The following KIAA1549 variants were observed in gnomAD, a reference collection of about 807,000 sequenced individuals.
KIAA1549 encodes UPF0606 protein KIAA1549.
KIAA1549 carries 70 observed loss-of-function variants against 156.4 expected under a neutral mutation model. The ratio of observed to expected loss-of-function variants is 0.45; its 90% CI spans 0.37 to 0.55. The LOEUF is 0.55. Among genes scored for constraint, KIAA1549 ranks in the 20% least tolerant of loss-of-function variants. The pLI is 0.00. For missense variants in KIAA1549, 2,428 were observed against 2,540.9 expected, an observed-to-expected ratio of 0.96 and a Z score of 0.96; for synonymous variants, 1,103 against 1,066.4, an observed-to-expected ratio of 1.03 and a Z score of -0.67.
intron 9 of KIAA1549, among the ~76,000 whole-genome samples, chr7:138,898,026 C>G (rs892357681): frequency 2.6e-5 from 4 of 150,966 alleles, no homozygotes; most frequent in South Asian, 4.2e-4. Context: ...TGAGGTGGGG[C>G]CGGGTGCAGT....
intron 15 of KIAA1549, among the ~76,000 whole-genome samples, chr7:138,864,548 A>G (rs1188875738): frequency 1.3e-5 from 2 of 152,250 alleles, no homozygotes; most frequent in African/African-American, 4.8e-5. Context: ...TATTTAGACT[A>G]TAGATGTTTC....
At chr7:138,919,567 C>G in intron 1 of KIAA1549, 129 bp from the exon 2 acceptor site, 1 of 1,451,806 alleles carries the variant, frequency 6.9e-7, no homozygotes, top group Non-Finnish European at 9.2e-7. Flanking sequence ...GAATCACCGT[C>G]AGAAGTTAAA....
At chr7:138,919,494 C>A (rs763971617) in intron 1 of KIAA1549, 56 bp from the exon 2 acceptor site, 6 of 1,554,354 alleles carry the variant, frequency 3.9e-6, no homozygotes, top group Non-Finnish European at 5.2e-6. Context: ...ACACAGCTAA[C>A]GTTTTGTTTC....
chr7:138,915,340 G>A (rs1401450734), intron 2 of KIAA1549, among the ~76,000 whole-genome samples: 4 of 152,170 alleles, frequency 2.6e-5, no homozygotes, highest in East Asian at 3.9e-4. Flanking sequence ...CAGGAGGGCC[G>A]TGTCTTACCC....
chr7:138,837,228 T>G lies in KIAA1549; in HGVS notation c.*678A>C, dbSNP rs1407496373. ...TGAAACCTTCAACATATTCTTCCAC[T>G]GAAAAAGCCAAAGTTCCATTTCAGA... On this transcript the variant is annotated 3_prime_UTR_variant, in exon 20 of 20. Coordinates refer to ENST00000422774, the MANE Select transcript of KIAA1549 (RefSeq NM_001164665.2). The G allele has an allele frequency of 4.4e-6, 1 of 227,432 alleles. No individual in the cohort carries two copies. Among genetic ancestry groups the G allele is most frequent in the African/African-American group, 2.2e-5 (1 of 45,006 alleles). The allele number at this position is 227,432 out of a possible 1,614,324, so 14.1% of individuals were successfully genotyped here.
At chr7:138,854,256 G>A (rs892985233) in intron 16 of KIAA1549, among the ~76,000 whole-genome samples, 2 of 152,160 alleles carry the variant, frequency 1.3e-5, no homozygotes, top group Non-Finnish European at 2.9e-5. Context: ...AGGAAGGCAA[G>A]TTAGATGGTT....
chr7:138,972,450 G>A (rs890906821), intron 1 of KIAA1549, among the ~76,000 whole-genome samples: 3 of 139,206 alleles, frequency 2.2e-5, no homozygotes, highest in African/African-American at 7.8e-5. Context: ...CTCCAGCCAC[G>A]GTTCACCTCC....
chr7:138,977,154 T>C (rs61505679), intron 1 of KIAA1549, among the ~76,000 whole-genome samples: 5,247 of 152,174 alleles, frequency 0.034, 316 homozygotes, highest in African/African-American at 0.12. Flanking sequence ...ACCAAAAACT[T>C]CTACATTTCA....
intron 12 of KIAA1549, among the ~76,000 whole-genome samples, chr7:138,879,052 T>C (rs368018478): frequency 2.0e-5 from 3 of 152,190 alleles, no homozygotes; most frequent in South Asian, 2.1e-4. Context: ...AAGCTGTCTG[T>C]GACTCCCAAA....
chr7:138,837,892 C>G lies in KIAA1549; in HGVS notation c.*14G>C, dbSNP rs779277596. On this transcript the variant is annotated 3_prime_UTR_variant, in exon 20 of 20. Transcript: ENST00000422774. ...AGGAAGCGGATACTTGGCAAATCTG[C>G]GAGGCGAGGCCGATCAGCTGTGGAA... 3 of 1,609,850 alleles carry G rather than the reference C, an allele frequency of 1.9e-6. No individual in the cohort carries two copies. The highest frequency in any genetic ancestry group is 2.5e-6 in the Non-Finnish European group (3 of 1,178,166).
intron 17 of KIAA1549, among the ~76,000 whole-genome samples, chr7:138,845,215 CT>C (rs1195129056): frequency 1.8e-5 from 2 of 112,616 alleles, no homozygotes; most frequent in Non-Finnish European, 3.6e-5. Context: ...TAACATAATA[CT>C]TTTCATGAAA....
intron 1 of KIAA1549, among the ~76,000 whole-genome samples, chr7:138,978,013 C>G (rs918187973): frequency 5.3e-5 from 8 of 152,096 alleles, no homozygotes; most frequent in Admixed American, 3.3e-4. Flanking sequence ...AGAGCCTTCT[C>G]TATGTAGCTA....
intron 16 of KIAA1549, among the ~76,000 whole-genome samples, chr7:138,855,940 T>C (rs1810374737): frequency 6.6e-6 from 1 of 152,276 alleles, no homozygotes; most frequent in African/African-American, 2.4e-5. Context: ...ACCAGCCAAC[T>C]ACAACCTGAT....
chr7:138,964,608 G>A (rs1813959116), intron 1 of KIAA1549, among the ~76,000 whole-genome samples: 1 of 152,176 alleles, frequency 6.6e-6, no homozygotes, highest in African/African-American at 2.4e-5. Context: ...ACCAGAGAAA[G>A]AAGTGCAAAG....
rs1302416101 is a variant in KIAA1549 at position 138,914,006 on chromosome 7, AGAAGGAAG to A, written c.2879-1554_2879-1547del. ...AGGGAGGGAGAGGAGGGAGAAGGAA[AGAAGGAAG>A]GAAGGAAGAAAGGAAGGGAGGAAGG... On this transcript the variant is annotated intron_variant, in intron 2 of 19. Transcript: ENST00000422774. 5.0e-5 allele frequency among the ~76,000 whole-genome samples: 7 copies of A among 140,728 alleles called. No homozygotes were observed. The South Asian group carries it at 1.9e-3, about 37-fold the overall frequency. 92.3% of individuals were successfully genotyped at this position (140,728 alleles called of 152,430 possible).
intron 4 of KIAA1549, among the ~76,000 whole-genome samples, chr7:138,909,414 A>G (rs1436748808): frequency 6.6e-6 from 1 of 152,250 alleles, no homozygotes; most frequent in Non-Finnish European, 1.5e-5. Context: ...TCAAACATAT[A>G]TAAATTCATT....
At chr7:138,838,927 G>A (rs1307754740) in intron 19 of KIAA1549, among the ~76,000 whole-genome samples, 2 of 152,134 alleles carry the variant, frequency 1.3e-5, no homozygotes, top group African/African-American at 4.8e-5. Context: ...TCCTTTGGGA[G>A]GCCAAGGAGA....
intron 1 of KIAA1549, among the ~76,000 whole-genome samples, chr7:138,930,779 A>G (rs1302234633): frequency 6.6e-6 from 1 of 152,194 alleles, no homozygotes; most frequent in Non-Finnish European, 1.5e-5. Context: ...TTGCTTTCTT[A>G]TTATTCATGT....
intron 1 of KIAA1549, among the ~76,000 whole-genome samples, chr7:138,920,972 T>A (rs1351140213): frequency 6.6e-6 from 1 of 152,096 alleles, no homozygotes; most frequent in Non-Finnish European, 1.5e-5. Flanking sequence ...TGCAAGACAG[T>A]AAGGGGAACG....
Sources: gnomAD v4.1 joint callset for allele counts (sites outside exome capture counted in the v4.1 genomes callset) on GRCh38, gnomAD v4.1.1 for gene constraint, MANE v1.5 for transcripts, NCBI Gene and HGNC (gene_info 2026-07-23, HGNC 2026-07-21) for gene names.